CCSER1: variants seen among roughly 807,000 people sequenced by gnomAD.
CCSER1 encodes the protein serine-rich coiled-coil domain-containing protein 1.
CCSER1 carries 41 observed loss-of-function variants against 82.0 expected under a neutral mutation model. That is an observed-to-expected ratio of 0.50 (90% CI 0.39 to 0.65). The LOEUF is 0.65. Among genes scored for constraint, CCSER1 ranks in the 30% least tolerant of loss-of-function variants. The probability of loss-of-function intolerance (pLI) is 0.00; values close to 1 mark genes in which losing one functional copy is unlikely to be tolerated. For synonymous variants in CCSER1, 414 were observed against 383.9 expected, an observed-to-expected ratio of 1.08 and a Z score of -0.92; for missense variants, 1,119 against 1,064.2, an observed-to-expected ratio of 1.05 and a Z score of -0.72.
intron 9 of CCSER1, among the ~76,000 whole-genome samples, chr4:91,052,967 T>C (rs977290819): frequency 3.3e-5 from 5 of 151,984 alleles, no homozygotes; most frequent in African/African-American, 1.2e-4. Context: ...GTGGTTGAGC[T>C]ATGTAGGTGT....
chr4:91,030,307 T>C (rs1157962059), intron 9 of CCSER1, among the ~76,000 whole-genome samples: 2 of 152,166 alleles, frequency 1.3e-5, no homozygotes, highest in Non-Finnish European at 2.9e-5. Context: ...ACACTGGCGA[T>C]GATGGAAATA....
intron 10 of CCSER1, among the ~76,000 whole-genome samples, chr4:91,505,169 C>T (rs1432869631): frequency 1.3e-5 from 2 of 152,162 alleles, no homozygotes; most frequent in South Asian, 2.1e-4. Flanking sequence ...TCAGCTTCTC[C>T]CACTTTTAAG....
At chr4:90,459,410 G>T (rs549466944) in intron 4 of CCSER1, among the ~76,000 whole-genome samples, 26 of 151,974 alleles carry the variant, frequency 1.7e-4, no homozygotes, top group African/African-American at 6.0e-4. Context: ...CCCCTAAAAT[G>T]CTCTTTAAAT....
intron 1 of CCSER1, among the ~76,000 whole-genome samples, chr4:90,265,780 G>A (rs993275220): frequency 1.3e-5 from 2 of 151,834 alleles, no homozygotes; most frequent in Non-Finnish European, 2.9e-5. Context: ...GAAATAAATT[G>A]GTCATAATTG....
At chr4:90,874,449 C>T (rs1448358754) in intron 8 of CCSER1, among the ~76,000 whole-genome samples, 2 of 151,134 alleles carry the variant, frequency 1.3e-5, no homozygotes, top group Middle Eastern at 3.4e-3. Context: ...AAAAAAAAAT[C>T]TCACCATGGG....
At chr4:90,999,933 T>C (rs1358200202) in intron 9 of CCSER1, among the ~76,000 whole-genome samples, 4 of 151,208 alleles carry the variant, frequency 2.6e-5, no homozygotes, top group African/African-American at 4.9e-5. Context: ...TATATTTAAA[T>C]CTTTAATCCA....
chr4:91,086,040 C>T, intron 10 of CCSER1, 46 bp downstream of exon 10: 1 of 1,169,146 alleles, frequency 8.6e-7, no homozygotes. Context: ...GGAAACATGG[C>T]TATGGTGTTG....
chr4:90,472,117 AT>A (rs1764489722), intron 5 of CCSER1, among the ~76,000 whole-genome samples: 2 of 152,192 alleles, frequency 1.3e-5, no homozygotes, highest in Admixed American at 1.3e-4. Flanking sequence ...TTCCCCTTGA[AT>A]TTTACAGTCT....
intron 8 of CCSER1, chr4:90,838,978 C>T (rs1580719984): frequency 6.2e-7 from 1 of 1,613,054 alleles, no homozygotes. Context: ...GCGTCTCTGT[C>T]TTCTTCAGTT....
rs998106211 is a variant in CCSER1, at chr4:90,346,805, T to C, written c.1509+33758T>C. On this transcript the variant is annotated intron_variant, in intron 3 of 10. Coordinates refer to ENST00000509176, the MANE Select transcript of CCSER1 (RefSeq NM_001145065.2). The stretch of plus-strand genomic sequence containing the variant: ...TTGACAATGAAATTACAAAGAATTG[T>C]TGCAGTTTTAAATTTATTATTTTTA... Among the ~76,000 whole-genome samples, 3 of 152,128 alleles carry C rather than the reference T, an allele frequency of 2.0e-5. 1 individual carries two copies. Among genetic ancestry groups the C allele is most frequent in the Admixed American group, 2.0e-4 (3 of 15,266 alleles).
chr4:90,591,212 A>G (rs1229817843), intron 5 of CCSER1, among the ~76,000 whole-genome samples: 1 of 152,122 alleles, frequency 6.6e-6, no homozygotes, highest in Non-Finnish European at 1.5e-5. Flanking sequence ...TTTTCTAAAT[A>G]TCCAATCATG....
intron 6 of CCSER1, among the ~76,000 whole-genome samples, chr4:90,704,245 C>A (rs1738810675): frequency 6.6e-6 from 1 of 152,118 alleles, no homozygotes; most frequent in Admixed American, 6.5e-5. Flanking sequence ...CTTAGTTTGG[C>A]TGGATATGAA....
chr4:90,145,463 G>T (rs1725630300), intron 1 of CCSER1, among the ~76,000 whole-genome samples: 1 of 152,064 alleles, frequency 6.6e-6, no homozygotes, highest in Non-Finnish European at 1.5e-5. Flanking sequence ...TCAGTTTCAT[G>T]CTCTGCATCC....
At chr4:90,647,867 G>T (rs1727868629) in intron 6 of CCSER1, among the ~76,000 whole-genome samples, 1 of 152,016 alleles carries the variant, frequency 6.6e-6, no homozygotes, top group African/African-American at 2.4e-5. Context: ...CAATCCATAA[G>T]TAATAACAAT....
intron 8 of CCSER1, among the ~76,000 whole-genome samples, chr4:90,837,207 C>A (rs775772314): frequency 3.3e-5 from 5 of 152,004 alleles, no homozygotes; most frequent in Non-Finnish European, 5.9e-5. Context: ...TGGAATTTGT[C>A]ACTTTTAAAT....
intron 9 of CCSER1, among the ~76,000 whole-genome samples, chr4:91,019,854 C>T (rs1484656781): frequency 6.6e-6 from 1 of 152,124 alleles, no homozygotes; most frequent in Non-Finnish European, 1.5e-5. Context: ...ATAAGTAAAT[C>T]TTTGTCATCA....
chr4:91,082,174 G>A (rs1471023457), intron 9 of CCSER1, among the ~76,000 whole-genome samples: 1 of 152,162 alleles, frequency 6.6e-6, no homozygotes, highest in Non-Finnish European at 1.5e-5. Flanking sequence ...ATACTACAAG[G>A]CTACAGTAAC....
chr4:90,503,789 A>C (rs1055584642), intron 5 of CCSER1, among the ~76,000 whole-genome samples: 1 of 152,062 alleles, frequency 6.6e-6, no homozygotes, highest in African/African-American at 2.4e-5. Flanking sequence ...ATTATAAATA[A>C]ATTTTATTTC....
chr4:90,227,914 C>T (rs998083180), intron 1 of CCSER1, among the ~76,000 whole-genome samples: 12 of 152,188 alleles, frequency 7.9e-5, no homozygotes, highest in Non-Finnish European at 1.6e-4. Context: ...GCTTTTCCGA[C>T]GGGCTTAAAA....
Sources: gnomAD v4.1 joint callset for allele counts (sites outside exome capture counted in the v4.1 genomes callset) on GRCh38, gnomAD v4.1.1 for gene constraint, MANE v1.5 for transcripts, NCBI Gene and HGNC (gene_info 2026-07-23, HGNC 2026-07-21) for gene names.